CAAP1: variants seen among roughly 807,000 people sequenced by gnomAD.
The protein encoded by CAAP1 is caspase activity and apoptosis inhibitor 1.
Under a neutral mutation model 34.0 loss-of-function variants are expected in CAAP1, and 20 were observed. That is an observed-to-expected ratio of 0.59 (90% CI 0.41 to 0.86). The LOEUF (loss-of-function observed/expected upper bound fraction) is 0.86. Ranked by LOEUF, CAAP1 falls within the 40% of genes least tolerant of loss-of-function variation. CAAP1 has a pLI of 0.00. For missense variants in CAAP1, 538 were observed against 450.5 expected (o/e 1.19, Z -1.76); for synonymous variants, 213 against 166.7 (o/e 1.28, Z -2.14).
intron 4 of CAAP1, 98 bp downstream of exon 4, chr9:26,884,712 A>G (rs1049647227): frequency 3.4e-6 from 3 of 895,358 alleles, no homozygotes; most frequent in Middle Eastern, 5.2e-4. Flanking sequence ...ATGATTTTAT[A>G]AATAAAACAC....
chr9:26,868,793 A>T (rs1218157940), intron 4 of CAAP1, among the ~76,000 whole-genome samples: 2 of 148,920 alleles, frequency 1.3e-5, no homozygotes, highest in African/African-American at 5.2e-5. Flanking sequence ...AAAGCAAACA[A>T]GAGACAATAG....
chr9:26,861,069 G>T lies in CAAP1; in HGVS notation c.736C>A (p.Gln246Lys). The stretch of plus-strand genomic sequence containing the variant: ...TAATCAAGTACTTGGTTCATACCTT[G>T]TTTTAATTCCAAACCTTCAGGTTGC... ...NKQPEGLELK[Q>K]GKGEDSDVLS... The change falls in exon 5 of 6, where the codon CAA (glutamine) becomes AAA (lysine). Residue 246 changes from glutamine (Q) to lysine (K), a missense_variant. Physicochemically the swap from Gln to Lys is moderately conservative, Grantham distance 53. Around this residue, in one of 3 missense-constraint regions of CAAP1, gnomAD observed 514 missense variants for 408.4 expected, o/e 1.26. Coordinates refer to ENST00000333916, the MANE Select transcript of CAAP1 (RefSeq NM_024828.4). 6.2e-7 allele frequency: 1 copy of T among 1,600,766 alleles called. No homozygotes were observed. Among genetic ancestry groups the T allele is most frequent in the South Asian group, 1.1e-5 (1 of 90,754 alleles).
chr9:26,841,902 T>C lies in CAAP1; in HGVS notation c.*399A>G, dbSNP rs975660964. ...AAATTTCTCAAATTAAATAATTTAA[T>C]ATTGTATTGTAAAATACAAGTAGCC... On this transcript the variant is annotated 3_prime_UTR_variant, in exon 6 of 6. Coordinates refer to ENST00000333916, the MANE Select transcript of CAAP1 (RefSeq NM_024828.4). 7 of 153,798 alleles carry C rather than the reference T, an allele frequency of 4.6e-5. No homozygotes were observed. Among genetic ancestry groups the C allele is most frequent in the South Asian group, 4.1e-4 (2 of 4,870 alleles). 9.5% of individuals were successfully genotyped at this position (153,798 alleles called of 1,614,324 possible).
At chr9:26,887,234 G>T (rs963805379) in intron 2 of CAAP1, 79 bp downstream of exon 2, 2 of 885,164 alleles carry the variant, frequency 2.3e-6, no homozygotes, top group African/African-American at 1.7e-5. Context: ...AAACAAAACC[G>T]CATTAAGTAA....
At chr9:26,863,347 T>G (rs1823049946) in intron 4 of CAAP1, among the ~76,000 whole-genome samples, 1 of 152,086 alleles carries the variant, frequency 6.6e-6, no homozygotes, top group African/African-American at 2.4e-5. Flanking sequence ...GGAAAAAAAA[T>G]CCCAGAAAGT....
intron 5 of CAAP1, among the ~76,000 whole-genome samples, chr9:26,843,693 C>G (rs1429118812): frequency 6.6e-6 from 1 of 151,700 alleles, no homozygotes; most frequent in Non-Finnish European, 1.5e-5. Context: ...AGCTTCTTTA[C>G]AAAACATAGA....
At chr9:26,847,470 T>C (rs1206769122) in intron 5 of CAAP1, among the ~76,000 whole-genome samples, 1 of 151,994 alleles carries the variant, frequency 6.6e-6, no homozygotes, top group African/African-American at 2.4e-5. Flanking sequence ...CGTCTCGGCC[T>C]CCCAAAGTGC....
At chr9:26,859,069 G>T (rs946602729) in intron 5 of CAAP1, among the ~76,000 whole-genome samples, 27 of 150,980 alleles carry the variant, frequency 1.8e-4, no homozygotes, top group Non-Finnish European at 4.0e-4. Context: ...ACATGAGCAT[G>T]AACTGTATTG....
chr9:26,872,634 G>A (rs1823308345), intron 4 of CAAP1, among the ~76,000 whole-genome samples: 1 of 150,940 alleles, frequency 6.6e-6, no homozygotes, highest in Admixed American at 6.6e-5. Context: ...AAAGCTCACT[G>A]TAGCCTCAAT....
chr9:26,864,472 C>T (rs1323845038), intron 4 of CAAP1, among the ~76,000 whole-genome samples: 1 of 151,508 alleles, frequency 6.6e-6, no homozygotes, highest in African/African-American at 2.4e-5. Flanking sequence ...AAATTTAATC[C>T]TACACCTGCT....
intron 4 of CAAP1, among the ~76,000 whole-genome samples, chr9:26,867,495 T>G (rs1225906662): frequency 6.6e-6 from 1 of 152,154 alleles, no homozygotes; most frequent in Admixed American, 6.5e-5. Flanking sequence ...AAACTAACAT[T>G]CACAGATTCT....
chr9:26,871,294 G>C (rs1823269224), intron 4 of CAAP1, among the ~76,000 whole-genome samples: 1 of 152,138 alleles, frequency 6.6e-6, no homozygotes, highest in African/African-American at 2.4e-5. Flanking sequence ...AAAAATAAAA[G>C]AGACCAGGCG....
At chr9:26,873,233 G>C (rs1406726092) in intron 4 of CAAP1, among the ~76,000 whole-genome samples, 1 of 152,166 alleles carries the variant, frequency 6.6e-6, no homozygotes, top group East Asian at 1.9e-4. Flanking sequence ...CAAGTGAGCA[G>C]CTGCCTCAAA....
intron 2 of CAAP1, among the ~76,000 whole-genome samples, 166 bp downstream of exon 2, chr9:26,887,147 G>A (rs1263500027): frequency 2.6e-5 from 4 of 152,152 alleles, no homozygotes; most frequent in Non-Finnish European, 5.9e-5. Flanking sequence ...GGGAGGCGGA[G>A]GTTGCAGTGA....
Position 26,847,461 on chromosome 9 carries a change from G to A in CAAP1, c.740-4814C>T, listed in dbSNP as rs568843946. ...GATCTCCTGACCTCGTGATCCGCCC[G>A]TCTCGGCCTCCCAAAGTGCTGGGAT... On this transcript the variant is annotated intron_variant, in intron 5 of 5. Coordinates refer to ENST00000333916, the MANE Select transcript of CAAP1 (RefSeq NM_024828.4). 7.0e-4 allele frequency among the ~76,000 whole-genome samples: 107 copies of A among 151,776 alleles called. 1 individual carries two copies. Among genetic ancestry groups the A allele is most frequent in the African/African-American group, 2.4e-3 (99 of 41,380 alleles).
rs73431833 is a variant in CAAP1, at chr9:26,847,135, A to G, written c.740-4488T>C. Among the ~76,000 whole-genome samples the G allele has an allele frequency of 5.7e-3, 841 of 147,956 alleles. 8 individuals carry two copies. The highest frequency in any genetic ancestry group is 0.02 in the African/African-American group (799 of 40,294). On this transcript the variant is annotated intron_variant, in intron 5 of 5. Transcript: ENST00000333916. ...TTGGTCATTTTTTTTCATCTTAGCA[A>G]TGTACTAGCTTCTTTTATAGACAGA... is the stretch of plus-strand genomic sequence containing the variant.
chr9:26,881,209 G>C (rs577179410), intron 4 of CAAP1, among the ~76,000 whole-genome samples: 1 of 152,160 alleles, frequency 6.6e-6, no homozygotes, highest in Non-Finnish European at 1.5e-5. Flanking sequence ...CCCAGCCTCA[G>C]GTGATCCTCT....
At chr9:26,854,708 C>T (rs775316246) in intron 5 of CAAP1, among the ~76,000 whole-genome samples, 1 of 152,040 alleles carries the variant, frequency 6.6e-6, no homozygotes, top group Non-Finnish European at 1.5e-5. Context: ...AGCAACAATA[C>T]GAAAACAACC....
chr9:26,861,001 T>C lies in CAAP1; in HGVS notation c.739+65A>G, dbSNP rs919062536. 1.0e-5 allele frequency: 12 copies of C among 1,203,640 alleles called. No homozygotes were observed. In the African/African-American group the frequency reaches 1.1e-4, roughly 11 times the overall value. 74.6% of individuals were successfully genotyped at this position (1,203,640 alleles called of 1,614,324 possible). A position where few individuals can be genotyped will look rare whatever the true frequency, so the allele number is the denominator to read the frequency against. On this transcript the variant is annotated intron_variant, in intron 5 of 5. Coordinates refer to ENST00000333916, the MANE Select transcript of CAAP1 (RefSeq NM_024828.4). The stretch of plus-strand genomic sequence containing the variant: ...GGGTGAGTTAGACACTGAAAATTTA[T>C]TTTTGGTAAAATGCTTCTATTCTTC...
Sources: allele counts gnomAD v4.1 joint callset (sites outside exome capture counted in the v4.1 genomes callset), GRCh38; gene constraint gnomAD v4.1.1; regional missense constraint gnomAD v4.1.1; transcripts MANE v1.5; gene names NCBI Gene and HGNC (gene_info 2026-07-23, HGNC 2026-07-21).